Variants in SMCO4 observed in about 807,000 individuals in gnomAD.
SMCO4 encodes single-pass membrane and coiled-coil domain-containing protein 4.
Under a neutral mutation model 3.6 loss-of-function variants are expected in SMCO4, and 4 were observed. The ratio of observed to expected loss-of-function variants is 1.11; its 90% CI spans 0.54 to 2.53. SMCO4 has a LOEUF of 2.53. Among genes scored for constraint, SMCO4 ranks in the 30% most tolerant of loss-of-function variants. The pLI is 0.02. For synonymous variants in SMCO4, 36 were observed against 35.3 expected (o/e 1.02, Z -0.07); for missense variants, 70 against 80.8 (o/e 0.87, Z 0.51).
intron 2 of SMCO4, among the ~76,000 whole-genome samples, chr11:93,487,928 C>T (rs903032985): frequency 6.6e-6 from 1 of 152,116 alleles, no homozygotes; most frequent in Admixed American, 6.5e-5. Context: ...TTAAGCATAC[C>T]CTGTATGTCA....
At chr11:93,495,792 G>A (rs1339154866) in intron 2 of SMCO4, among the ~76,000 whole-genome samples, 2 of 152,198 alleles carry the variant, frequency 1.3e-5, no homozygotes, top group Admixed American at 6.5e-5. Context: ...TGTTCTAGGA[G>A]TTGTTATTCT....
At chr11:93,497,343 G>A (rs1000195141) in intron 2 of SMCO4, among the ~76,000 whole-genome samples, 1 of 152,232 alleles carries the variant, frequency 6.6e-6, no homozygotes, top group Non-Finnish European at 1.5e-5. Flanking sequence ...GAATTAAGCT[G>A]ATCAAACCTG....
Position 93,514,412 on chromosome 11 carries a change from AT to A in SMCO4, c.-153-15065del, listed in dbSNP as rs1565383106. On this transcript the variant is annotated intron_variant, in intron 1 of 2. Coordinates refer to ENST00000298966, the MANE Select transcript of SMCO4 (RefSeq NM_020179.3). The stretch of plus-strand genomic sequence containing the variant: ...TATATATATATATATATATATATAT[AT>A]ATATATATAAAATTTGGTCTCTTCC... Among the ~76,000 whole-genome samples the A allele has an allele frequency of 2.1e-3, 98 of 46,840 alleles. 2 individuals carry two copies. The highest frequency in any genetic ancestry group is 3.3e-3 in the Non-Finnish European group (54 of 16,354). 30.7% of individuals were successfully genotyped at this position (46,840 alleles called of 152,430 possible).
chr11:93,511,816 T>C (rs1447336722), intron 1 of SMCO4, among the ~76,000 whole-genome samples: 1 of 152,172 alleles, frequency 6.6e-6, no homozygotes, highest in Non-Finnish European at 1.5e-5. Flanking sequence ...ACATTAACAA[T>C]GTGGTCTGAA....
intron 1 of SMCO4, among the ~76,000 whole-genome samples, chr11:93,517,320 G>T (rs1565384109): frequency 6.6e-6 from 1 of 152,102 alleles, no homozygotes; most frequent in African/African-American, 2.4e-5. Flanking sequence ...AATCCAATTG[G>T]TTTTTTCTTC....
At chr11:93,546,986 G>A (rs1949320208), upstream of SMCO4, among the ~76,000 whole-genome samples, 1 of 152,084 alleles carries the variant, frequency 6.6e-6, no homozygotes, top group African/African-American at 2.4e-5. Context: ...TCTTCACTTT[G>A]CTAAATCCCG....
At chr11:93,487,421 G>C (rs979841569) in intron 2 of SMCO4, among the ~76,000 whole-genome samples, 2 of 152,196 alleles carry the variant, frequency 1.3e-5, no homozygotes, top group African/African-American at 4.8e-5. Flanking sequence ...GAAAGCTCTT[G>C]ACCTGAAGGC....
chr11:93,535,497 T>A, intron 1 of SMCO4: 1 of 1,366,686 alleles, frequency 7.3e-7, no homozygotes, highest in Non-Finnish European at 1.0e-6. Context: ...GAGCAGCTCC[T>A]GACGGAGCTG....
rs117828321 is a variant in SMCO4, at chr11:93,494,662, G to A, written c.-81+4614C>T. Among the ~76,000 whole-genome samples the A allele has an allele frequency of 3.8e-3, 575 of 152,214 alleles. 1 individual carries two copies. Among genetic ancestry groups the A allele is most frequent in the Non-Finnish European group, 6.3e-3 (431 of 68,008 alleles). ...GTCACTTAGCAACATCCAGCCTACC[G>A]TCATACCTAAAATGTGCAAGTCTCT... On this transcript the variant is annotated intron_variant, in intron 2 of 2. Coordinates refer to ENST00000298966, the MANE Select transcript of SMCO4 (RefSeq NM_020179.3).
At chr11:93,528,639 G>C (rs1465478976) in intron 1 of SMCO4, among the ~76,000 whole-genome samples, 4 of 56,194 alleles carry the variant, frequency 7.1e-5, no homozygotes, top group East Asian at 1.3e-3. Flanking sequence ...TGTGACCAGG[G>C]AGACAGTGCA....
chr11:93,551,170 A>T, the SMCO4 span, among the ~76,000 whole-genome samples: 108 of 138,388 alleles, frequency 7.8e-4, no homozygotes, highest in African/African-American at 2.8e-3. Flanking sequence ...GAAAAAATGT[A>T]TATAATTACA....
At chr11:93,480,394 C>T (rs1213048537) in intron 2 of SMCO4, among the ~76,000 whole-genome samples, 1 of 152,178 alleles carries the variant, frequency 6.6e-6, no homozygotes, top group Non-Finnish European at 1.5e-5. Flanking sequence ...GCACAGTCTC[C>T]AGATGAACTC....
chr11:93,537,937 A>C (rs1412756414), intron 1 of SMCO4: 1 of 152,512 alleles, frequency 6.6e-6, no homozygotes, highest in African/African-American at 2.4e-5. Flanking sequence ...ACACAGCCCA[A>C]ATAAAGCCAG....
chr11:93,490,047 G>A (rs899189149), intron 2 of SMCO4, among the ~76,000 whole-genome samples: 11 of 152,202 alleles, frequency 7.2e-5, no homozygotes, highest in African/African-American at 2.2e-4. Context: ...CAGCAGCAAA[G>A]GAGGTTCCTC....
At chr11:93,540,013 T>A (rs1949259129) in intron 1 of SMCO4, among the ~76,000 whole-genome samples, 1 of 150,854 alleles carries the variant, frequency 6.6e-6, no homozygotes, top group Admixed American at 6.6e-5. Context: ...ACCAGCTACA[T>A]CCATTTTCAA....
At position 93,534,371 on chromosome 11, in the gene SMCO4, TATATAGAG is replaced by T. The variant is rs1425423120; in HGVS notation, c.-154+8897_-154+8904del. On this transcript the variant is annotated intron_variant, in intron 1 of 2. Coordinates refer to ENST00000298966, the MANE Select transcript of SMCO4 (RefSeq NM_020179.3). ...ATATACACATACATATATATATATA[TATATAGAG>T]AGAGAGAGAGAGAGAGATACATATA... Among the ~76,000 whole-genome samples the T allele has an allele frequency of 1.8e-4, 23 of 126,024 alleles. No individual in the cohort carries two copies. In the South Asian group the frequency reaches 4.9e-3, roughly 27 times the overall value. 82.7% of individuals were successfully genotyped at this position (126,024 alleles called of 152,430 possible).
intron 1 of SMCO4, among the ~76,000 whole-genome samples, chr11:93,506,892 T>C (rs1948909608): frequency 6.6e-6 from 1 of 152,122 alleles, no homozygotes; most frequent in African/African-American, 2.4e-5. Flanking sequence ...GTGGTTGTCT[T>C]TGGGAAGAAA....
intron 2 of SMCO4, among the ~76,000 whole-genome samples, chr11:93,479,799 C>T (rs1008496576): frequency 3.9e-5 from 6 of 152,100 alleles, no homozygotes; most frequent in African/African-American, 1.4e-4. Context: ...GTTCCTTGGC[C>T]CATTCATCCA....
At chr11:93,534,215 TACACAC>T (rs71064754) in intron 1 of SMCO4, among the ~76,000 whole-genome samples, 1,441 of 128,346 alleles carry the variant, frequency 0.011, 42 homozygotes, top group African/African-American at 0.027. Context: ...AATATATATA[TACACAC>T]ACACACACAC....
Sources: gnomAD v4.1 joint callset for allele counts (sites outside exome capture counted in the v4.1 genomes callset) on GRCh38, gnomAD v4.1.1 for gene constraint, MANE v1.5 for transcripts, NCBI Gene and HGNC (gene_info 2026-07-23, HGNC 2026-07-21) for gene names.